Variants in SLC35F4 observed in about 807,000 individuals in gnomAD.
SLC35F4 encodes the protein solute carrier family 35 member F4.
A neutral mutation model predicts 44.2 loss-of-function variants in SLC35F4; 24 were observed. The observed-to-expected ratio is 0.54, with a 90% CI of 0.39 to 0.76. The LOEUF (loss-of-function observed/expected upper bound fraction) is 0.76, where lower values mean the gene tolerates loss of function less well. SLC35F4 is among the 30% of genes least tolerant of loss of function. SLC35F4 has a pLI of 0.00. For missense variants in SLC35F4, 562 were observed against 586.1 expected (o/e 0.96, Z 0.42); for synonymous variants, 238 against 223.6 (o/e 1.06, Z -0.57).
intron 1 of SLC35F4, among the ~76,000 whole-genome samples, chr14:57,787,340 G>C (rs577280704): frequency 1.2e-4 from 18 of 152,220 alleles, no homozygotes; most frequent in African/African-American, 4.1e-4. Flanking sequence ...AAACATATTT[G>C]GGGGAATAAT....
chr14:57,710,352 A>G (rs2075786709), intron 1 of SLC35F4, among the ~76,000 whole-genome samples: 1 of 152,222 alleles, frequency 6.6e-6, no homozygotes, highest in South Asian at 2.1e-4. Context: ...ATGCCTGAAC[A>G]TCTAGGTAGA....
At chr14:57,683,054 A>G (rs992978522) in intron 1 of SLC35F4, among the ~76,000 whole-genome samples, 3 of 149,144 alleles carry the variant, frequency 2.0e-5, no homozygotes, top group African/African-American at 5.0e-5. Context: ...TACGGAAAAA[A>G]ATTAATCTCA....
intron 1 of SLC35F4, among the ~76,000 whole-genome samples, chr14:57,882,092 G>C (rs1314691850): frequency 6.6e-6 from 1 of 152,114 alleles, no homozygotes; most frequent in Admixed American, 6.6e-5. Context: ...GAGGAAATGG[G>C]AGTGGTACCC....
chr14:57,579,234 G>A (rs968657323), intron 4 of SLC35F4, among the ~76,000 whole-genome samples: 3 of 152,224 alleles, frequency 2.0e-5, no homozygotes, highest in East Asian at 1.9e-4. Context: ...AGGTCACAGT[G>A]ACAGATTTGG....
At chr14:57,695,254 T>G (rs2075348825) in intron 1 of SLC35F4, among the ~76,000 whole-genome samples, 1 of 151,714 alleles carries the variant, frequency 6.6e-6, no homozygotes, top group African/African-American at 2.4e-5. Context: ...TGGGAGAAAA[T>G]TTTTGCAACC....
At chr14:57,646,944 C>T (rs1304685595) in intron 1 of SLC35F4, among the ~76,000 whole-genome samples, 1 of 152,166 alleles carries the variant, frequency 6.6e-6, no homozygotes, top group African/African-American at 2.4e-5. Flanking sequence ...GAGTGAGTTT[C>T]TTAATCCTCA....
intron 1 of SLC35F4, among the ~76,000 whole-genome samples, chr14:57,606,713 TG>T (rs1287284997): frequency 1.3e-5 from 2 of 152,234 alleles, no homozygotes; most frequent in Non-Finnish European, 2.9e-5. Context: ...CTTTATGGAC[TG>T]TAGAAACCCT....
In SLC35F4 at chr14:57,572,031, G is replaced by T; in HGVS notation, c.808-12C>A. 2 of 1,605,032 alleles carry T rather than the reference G, an allele frequency of 1.2e-6. No individual in the cohort carries two copies. The highest frequency in any genetic ancestry group is 2.2e-5 in the East Asian group (1 of 44,630). ...ATTGCAGCAACTATCTGTCAAATAG[G>T]ATGCAAAGAAACAGAAAAGCAATGA... On this transcript the variant is annotated splice_polypyrimidine_tract_variant and intron_variant, in intron 4 of 7. Transcript: ENST00000556826.
intron 1 of SLC35F4, among the ~76,000 whole-genome samples, chr14:57,696,927 G>C (rs2140351851): frequency 6.6e-6 from 1 of 152,232 alleles, no homozygotes; most frequent in South Asian, 2.1e-4. Context: ...CGGGGTTGTG[G>C]GGGAAAGGGG....
At chr14:57,635,343 G>A (rs1456866729) in intron 1 of SLC35F4, among the ~76,000 whole-genome samples, 1 of 152,022 alleles carries the variant, frequency 6.6e-6, no homozygotes, top group Non-Finnish European at 1.5e-5. Context: ...GCGAGAGAGA[G>A]GAGTACTCAC....
intron 1 of SLC35F4, among the ~76,000 whole-genome samples, chr14:57,924,342 C>T (rs745494903): frequency 5.3e-5 from 8 of 152,152 alleles, no homozygotes; most frequent in Admixed American, 1.3e-4. Flanking sequence ...CTTGTCTACT[C>T]ATGGCTGAAG....
intron 1 of SLC35F4, among the ~76,000 whole-genome samples, chr14:57,820,238 A>T (rs762562738): frequency 2.6e-5 from 4 of 152,178 alleles, no homozygotes; most frequent in Non-Finnish European, 5.9e-5. Flanking sequence ...CACACACACA[A>T]AACATAAAAA....
chr14:57,899,892 A>G (rs900154302), intron 1 of SLC35F4, among the ~76,000 whole-genome samples: 9 of 152,098 alleles, frequency 5.9e-5, no homozygotes, highest in Non-Finnish European at 1.3e-4. Context: ...AGAAAGGTTT[A>G]TTGTGAAGAG....
intron 1 of SLC35F4, among the ~76,000 whole-genome samples, chr14:57,720,983 T>TATATATAC (rs1555376874): frequency 9.4e-6 from 1 of 105,956 alleles, no homozygotes; most frequent in Non-Finnish European, 1.9e-5. Context: ...ACTCCTCATA[T>TATATATAC]ATATATATAT....
In SLC35F4 at chr14:57,569,896, A is replaced by G. The variant is rs776786310; in HGVS notation, c.1018T>C (p.Phe340Leu). The G allele has an allele frequency of 1.9e-6, 3 of 1,612,810 alleles. No individual in the cohort carries two copies. The South Asian group carries it at 3.3e-5, about 18-fold the overall frequency. ...AAGATGACTGGGGTGAAGGAGATGA[A>G]GATCAAATTGAAGAAACCCAAGGTG... ...VSTLGFFNLIFISFTPVILYF... is the reference protein window; with the variant it reads ...VSTLGFFNLILISFTPVILYF... Residue 340 changes from phenylalanine to leucine, a missense_variant, in exon 6 of 8, where the codon TTC (phenylalanine) becomes CTC (leucine). Physicochemically the swap from Phe to Leu is conservative, Grantham distance 22. Coordinates refer to ENST00000556826, the MANE Select transcript of SLC35F4 (RefSeq NM_001306087.2).
chr14:57,959,319 A>G (rs1890300223), intron 1 of SLC35F4, among the ~76,000 whole-genome samples: 1 of 152,244 alleles, frequency 6.6e-6, no homozygotes, highest in South Asian at 2.1e-4. Context: ...AAATATTTTT[A>G]AAACTTTAAG....
At chr14:57,880,651 A>G (rs1203567405) in intron 1 of SLC35F4, among the ~76,000 whole-genome samples, 2 of 104,386 alleles carry the variant, frequency 1.9e-5, no homozygotes, top group Admixed American at 1.7e-4. Flanking sequence ...TTCTACATTA[A>G]ATAAAACATC....
intron 1 of SLC35F4, among the ~76,000 whole-genome samples, chr14:57,915,504 C>T (rs556180229): frequency 6.6e-6 from 1 of 152,200 alleles, no homozygotes; most frequent in African/African-American, 2.4e-5. Context: ...CATCTATCTT[C>T]TTCACATCTC....
chr14:57,830,289 C>T (rs976971220), intron 1 of SLC35F4, among the ~76,000 whole-genome samples: 6 of 152,112 alleles, frequency 3.9e-5, no homozygotes, highest in Admixed American at 2.6e-4. Flanking sequence ...ATCTGTAAAA[C>T]GGAGAAAATG....
Sources: gnomAD v4.1 joint callset for allele counts (sites outside exome capture counted in the v4.1 genomes callset) on GRCh38, gnomAD v4.1.1 for gene constraint, MANE v1.5 for transcripts, NCBI Gene and HGNC (gene_info 2026-07-23, HGNC 2026-07-21) for gene names.